Variants in AMPH observed in about 807,000 individuals in gnomAD.
The protein encoded by AMPH is amphiphysin (Stiff-Mann syndrome with breast cancer 128kD autoantigen).
A neutral mutation model predicts 99.1 loss-of-function variants in AMPH; 49 were observed. The observed-to-expected ratio is 0.49, with a 90% CI of 0.39 to 0.63. AMPH has a LOEUF of 0.63. AMPH is among the 20% of genes least tolerant of loss of function. The pLI is 0.00. For missense variants in AMPH, 759 were observed against 863.4 expected (o/e 0.88, Z 1.52); for synonymous variants, 314 against 317.3 (o/e 0.99, Z 0.11).
Position 38,626,323 on chromosome 7 carries a change from C to CA in AMPH, c.69+4959dup, listed in dbSNP as rs1242032101. On this transcript the variant is annotated intron_variant, in intron 1 of 20. Coordinates refer to ENST00000356264, the MANE Select transcript of AMPH (RefSeq NM_001635.4). ...TACAAGGCTACAGTAACCAAAACAA[C>CA]ATGGTACTGGTACCAAAACAGATAT... 3.3e-5 allele frequency among the ~76,000 whole-genome samples: 5 copies of CA among 152,248 alleles called. No homozygotes were observed. The East Asian group carries it at 9.7e-4, about 29-fold the overall frequency.
chr7:38,401,314 T>A (rs975795183), intron 17 of AMPH, among the ~76,000 whole-genome samples: 1 of 152,208 alleles, frequency 6.6e-6, no homozygotes, highest in Admixed American at 6.5e-5. Flanking sequence ...AAGAAATTTT[T>A]AAAAAATTTC....
chr7:38,397,198 T>C (rs2128977534), intron 17 of AMPH, among the ~76,000 whole-genome samples: 1 of 152,344 alleles, frequency 6.6e-6, no homozygotes, highest in South Asian at 2.1e-4. Context: ...GCATAAATCC[T>C]TTTATACATA....
intron 1 of AMPH, among the ~76,000 whole-genome samples, chr7:38,584,822 T>A (rs1017906070): frequency 2.6e-5 from 4 of 152,304 alleles, no homozygotes; most frequent in African/African-American, 9.6e-5. Flanking sequence ...ATCTTGCAAC[T>A]TCTACCTAAA....
chr7:38,523,286 G>A (rs1179082566), intron 2 of AMPH, among the ~76,000 whole-genome samples: 1 of 152,034 alleles, frequency 6.6e-6, no homozygotes, highest in African/African-American at 2.4e-5. Context: ...CACTTAGAAG[G>A]CCTAGAAGTA....
At chr7:38,497,608 C>CTAA (rs1788979514) in intron 3 of AMPH, among the ~76,000 whole-genome samples, 2 of 152,152 alleles carry the variant, frequency 1.3e-5, no homozygotes, top group African/African-American at 2.4e-5. Flanking sequence ...TTAAAAATAA[C>CTAA]ATCAGTTAAA....
intron 1 of AMPH, among the ~76,000 whole-genome samples, chr7:38,609,368 T>C (rs1793544392): frequency 6.6e-6 from 1 of 152,164 alleles, no homozygotes; most frequent in Non-Finnish European, 1.5e-5. Context: ...AGGCATCTGC[T>C]AAGCCTCCCC....
chr7:38,511,020 T>C (rs965585077), intron 2 of AMPH, among the ~76,000 whole-genome samples: 4 of 152,140 alleles, frequency 2.6e-5, no homozygotes, highest in Admixed American at 1.3e-4. Context: ...ACCATGCAAC[T>C]TGGGGCAAGT....
chr7:38,432,215 G>C lies in AMPH; in HGVS notation c.1135-3C>G, dbSNP rs1461024369. On this transcript the variant is annotated splice_region_variant and splice_polypyrimidine_tract_variant and intron_variant, in intron 12 of 20. Transcript: ENST00000356264. Reference sequence around the variant, plus strand: ...GTCCATAGGTCCCAGGGCAATGTCTGAAAGCAAATAAACAAAAATACTGTT... The same window carrying C: ...GTCCATAGGTCCCAGGGCAATGTCTCAAAGCAAATAAACAAAAATACTGTT... 1 of 1,612,028 alleles carries C rather than the reference G, an allele frequency of 6.2e-7. No individual in the cohort carries two copies. Among genetic ancestry groups the C allele is most frequent in the Non-Finnish European group, 8.5e-7 (1 of 1,178,196 alleles).
Position 38,476,871 on chromosome 7 carries a change from T to C in AMPH, c.495A>G (p.Arg165=). The C allele has an allele frequency of 6.2e-7, 1 of 1,613,498 alleles. No homozygotes were observed. The highest frequency in any genetic ancestry group is 1.3e-5 in the African/African-American group (1 of 75,000). Residue 165 remains arginine, a synonymous_variant, in exon 6 of 21, where the codon CGA becomes CGG. Coordinates refer to ENST00000356264, the MANE Select transcript of AMPH (RefSeq NM_001635.4). Reference sequence around the variant, plus strand: ...TGGGCTCAATCCCTACCTTAGAGATTCGACTCTCATCCTTCCTCTTGGAGC... The same window carrying C: ...TGGGCTCAATCCCTACCTTAGAGATCCGACTCTCATCCTTCCTCTTGGAGC... ...LQSSKRKDES[R]ISKAEEEFQK...
chr7:38,536,852 T>C (rs1790624980), intron 1 of AMPH, among the ~76,000 whole-genome samples: 1 of 152,090 alleles, frequency 6.6e-6, no homozygotes, highest in Admixed American at 6.6e-5. Context: ...TTTGGAAGAA[T>C]AGGGCATTAT....
At position 38,612,084 on chromosome 7, in the gene AMPH, CTTCTT is replaced by C. The variant is rs1210452067; in HGVS notation, c.69+19194_69+19198del. Among the ~76,000 whole-genome samples the C allele has an allele frequency of 3.1e-3, 280 of 90,884 alleles. 2 individuals are homozygous for C. The highest frequency in any genetic ancestry group is 0.011 in the African/African-American group (256 of 22,454). 59.6% of individuals were successfully genotyped at this position (90,884 alleles called of 152,430 possible). A position where few individuals can be genotyped will look rare whatever the true frequency, so the allele number is the denominator to read the frequency against. On this transcript the variant is annotated intron_variant, in intron 1 of 20. Transcript: ENST00000356264. The stretch of plus-strand genomic sequence containing the variant: ...ACTGCTAAGACTGATTTTTTGTCTT[CTTCTT>C]TTTTTTTTTTTTTTTTTTTGAGATG...
At chr7:38,466,314 A>G (rs1787651168) in intron 7 of AMPH, 66 bp from the exon 8 acceptor site, 1 of 1,285,318 alleles carries the variant, frequency 7.8e-7, no homozygotes, top group African/African-American at 1.5e-5. Context: ...AAATAATTTT[A>G]ATAGCAATGA....
intron 1 of AMPH, among the ~76,000 whole-genome samples, chr7:38,626,308 C>A (rs1794239491): frequency 6.6e-6 from 1 of 152,124 alleles, no homozygotes; most frequent in South Asian, 2.1e-4. Flanking sequence ...TACAAGGCTA[C>A]AGTAACCAAA....
intron 12 of AMPH, among the ~76,000 whole-genome samples, chr7:38,434,755 A>G (rs1185526114): frequency 2.4e-4 from 37 of 151,918 alleles, no homozygotes; most frequent in Non-Finnish European, 5.9e-5. Context: ...AAAAAAAAAA[A>G]AAGAAGCATG....
chr7:38,626,086 T>C (rs768784854), intron 1 of AMPH, among the ~76,000 whole-genome samples: 2 of 152,212 alleles, frequency 1.3e-5, no homozygotes, highest in Non-Finnish European at 2.9e-5. Flanking sequence ...AGAAATCTCA[T>C]GGTTAGCACT....
intron 1 of AMPH, among the ~76,000 whole-genome samples, chr7:38,550,772 G>T (rs1791153509): frequency 6.6e-6 from 1 of 152,094 alleles, no homozygotes; most frequent in South Asian, 2.1e-4. Context: ...AAGTGTTTTG[G>T]ATGGTTGGCT....
intron 1 of AMPH, among the ~76,000 whole-genome samples, chr7:38,614,860 A>G (rs974622965): frequency 6.6e-6 from 1 of 152,182 alleles, no homozygotes; most frequent in African/African-American, 2.4e-5. Context: ...TGATTATCAC[A>G]TCAGTTTGCC....
intron 1 of AMPH, among the ~76,000 whole-genome samples, chr7:38,597,152 G>C (rs951785465): frequency 6.6e-6 from 1 of 151,456 alleles, no homozygotes; most frequent in Non-Finnish European, 1.5e-5. Context: ...AAAAGGGCAG[G>C]GAAAAAAAAC....
chr7:38,586,627 G>A (rs1043567872), intron 1 of AMPH, among the ~76,000 whole-genome samples: 2 of 152,172 alleles, frequency 1.3e-5, no homozygotes, highest in Admixed American at 1.3e-4. Flanking sequence ...GTCTAGAGCT[G>A]ATGCAGAGTA....
Sources: gnomAD v4.1 joint callset for allele counts (sites outside exome capture counted in the v4.1 genomes callset) on GRCh38, gnomAD v4.1.1 for gene constraint, MANE v1.5 for transcripts, NCBI Gene and HGNC (gene_info 2026-07-23, HGNC 2026-07-21) for gene names.